The following F13B variants were observed in gnomAD, a reference collection of about 807,000 sequenced individuals.
F13B encodes the protein TGase.
A neutral mutation model predicts 79.8 loss-of-function variants in F13B; 58 were observed. That is an observed-to-expected ratio of 0.73 (90% CI 0.59 to 0.90). The LOEUF is 0.90. F13B is among the 40% of genes least tolerant of loss of function. The pLI is 0.00. For missense variants in F13B, 773 were observed against 777.0 expected, an observed-to-expected ratio of 0.99 and a Z score of 0.06; for synonymous variants, 283 against 260.3, an observed-to-expected ratio of 1.09 and a Z score of -0.84.
chr1:197,044,985 A>C (rs139211946), intron 10 of F13B, among the ~76,000 whole-genome samples: 1 of 152,298 alleles, frequency 6.6e-6, no homozygotes, highest in Admixed American at 6.5e-5. Context: ...TACGTACCAG[A>C]ATCTCTGGGA....
chr1:197,064,754 A>G (rs1655988719), intron 1 of F13B, among the ~76,000 whole-genome samples: 1 of 152,152 alleles, frequency 6.6e-6, no homozygotes, highest in East Asian at 1.9e-4. Flanking sequence ...TATATTTTAA[A>G]AATATATCTT....
chr1:197,065,616 G>T (rs923128686), intron 1 of F13B, among the ~76,000 whole-genome samples: 1 of 152,144 alleles, frequency 6.6e-6, no homozygotes, highest in Admixed American at 6.6e-5. Context: ...TTCTGCAAAA[G>T]TAATCTCTCA....
At chr1:197,050,044 T>TA (rs1655388253) in intron 10 of F13B, among the ~76,000 whole-genome samples, 2 of 152,096 alleles carry the variant, frequency 1.3e-5, no homozygotes, top group South Asian at 4.1e-4. Flanking sequence ...TTTAAAAAAA[T>TA]ATTTATAACA....
rs1399927293 is a variant in F13B, at chr1:197,061,841, C to T, written c.394G>A (p.Val132Met). The T allele has an allele frequency of 6.2e-7, 1 of 1,613,320 alleles. No homozygotes were observed. The highest frequency in any genetic ancestry group is 1.7e-5 in the Admixed American group (1 of 59,900). ...YKTTGGKDEE[V>M]VQCLSDGWSS... ...CATCCATCAGAGAGACATTGAACCA[C>T]TTCTTCATCCTTCCCTCCAGTGGTT... is the stretch of plus-strand genomic sequence containing the variant. The change falls in exon 3 of 12, where the codon GTG (valine) becomes ATG (methionine). Residue 132 changes from valine to methionine, a missense_variant. Coordinates refer to ENST00000367412, the MANE Select transcript of F13B (RefSeq NM_001994.3).
At chr1:197,044,425 T>C (rs1230165087) in intron 10 of F13B, among the ~76,000 whole-genome samples, 6 of 152,012 alleles carry the variant, frequency 3.9e-5, no homozygotes, top group Non-Finnish European at 8.8e-5. Flanking sequence ...CATTACATAA[T>C]GGTAAAGGGA....
rs142811624 is a variant in F13B, at chr1:197,044,305, G to A, written c.1739-3570C>T. 1.5e-4 allele frequency among the ~76,000 whole-genome samples: 23 copies of A among 152,128 alleles called. No individual in the cohort carries two copies. The East Asian group carries it at 1.7e-3, about 12-fold the overall frequency. On this transcript the variant is annotated intron_variant, in intron 10 of 11. Transcript: ENST00000367412. ...GCAGTCTGAGATCAACCTGTGACACGACAGCGTTATGGGGGGAGGGTCGTC... is the reference window on the plus strand; with the variant it reads ...GCAGTCTGAGATCAACCTGTGACACAACAGCGTTATGGGGGGAGGGTCGTC...
chr1:197,065,695 C>T (rs1266143923), intron 1 of F13B, among the ~76,000 whole-genome samples: 2 of 152,070 alleles, frequency 1.3e-5, no homozygotes, highest in Non-Finnish European at 2.9e-5. Flanking sequence ...TGATGACATT[C>T]TTACAGAAAG....
In F13B at chr1:197,062,981, A is replaced by G; in HGVS notation, c.141T>C (p.Phe47=). The change falls in exon 2 of 12, where the codon TTT becomes TTC. Residue 47 remains phenylalanine (F), a synonymous_variant. Transcript: ENST00000367412. ...ACAATTTTTTGTCTATGCTCATTGG[A>G]AAGTAAAAGCTTTTAAAAGTATAGT... is the stretch of plus-strand genomic sequence containing the variant. ...QYYYTFKSFY[F]PMSIDKKLSF... is the part of the protein sequence containing the mutation. 1 of 1,613,770 alleles carries G rather than the reference A, an allele frequency of 6.2e-7. No individual in the cohort carries two copies.
chr1:197,055,952 T>C, intron 7 of F13B, 55 bp from the exon 8 acceptor site: 1 of 1,308,862 alleles, frequency 7.6e-7, no homozygotes, highest in Non-Finnish European at 1.1e-6. Context: ...TATACTATAG[T>C]AACTCATACT....
chr1:197,054,183 C>T (rs1422065540), intron 8 of F13B, among the ~76,000 whole-genome samples: 1 of 152,048 alleles, frequency 6.6e-6, no homozygotes, highest in Admixed American at 6.6e-5. Context: ...TCTCTTGAGG[C>T]AGTTGTTCCA....
At chr1:197,047,642 T>C (rs766074482) in intron 10 of F13B, among the ~76,000 whole-genome samples, 1 of 152,206 alleles carries the variant, frequency 6.6e-6, no homozygotes, top group Non-Finnish European at 1.5e-5. Context: ...CATTACTGGG[T>C]ATATACCCAA....
rs117019969 is a variant in F13B at position 197,057,095 on chromosome 1, T to G, written c.1089A>C (p.Ala363=). The G allele has an allele frequency of 5.7e-4, 916 of 1,613,876 alleles. 8 individuals are homozygous for G. In the East Asian group the frequency reaches 0.018, roughly 32 times the overall value. Residue 363 remains alanine, a synonymous_variant, in exon 7 of 12, where the codon GCA becomes GCC. Coordinates refer to ENST00000367412, the MANE Select transcript of F13B (RefSeq NM_001994.3). The stretch of plus-strand genomic sequence containing the variant: ...CATGGAGAAGGTAGCCGCTTTTACA[T>G]GCATATGTCACTTTATCCCCATTGT... The part of the protein sequence containing the change: ...IYYNGDKVTY[A]CKSGYLLHGS...
At position 197,061,032 on chromosome 1, in the gene F13B, T is replaced by G; in HGVS notation, c.495A>C (p.Thr165=). Residue 165 remains threonine (T), a synonymous_variant, in exon 4 of 12, where the codon ACA becomes ACC. Coordinates refer to ENST00000367412, the MANE Select transcript of F13B (RefSeq NM_001994.3). ...CCTTCACTTTGAATGTTTTCTGTGT[T>G]GTGGAATAATTTCCATTATATAATT... ...APELYNGNYS[T]TQKTFKVKDK... 1 of 1,600,018 alleles carries G rather than the reference T, an allele frequency of 6.2e-7. No homozygotes were observed. Among genetic ancestry groups the G allele is most frequent in the Non-Finnish European group, 8.6e-7 (1 of 1,168,834 alleles).
At chr1:197,044,906 CTA>C (rs546053411) in intron 10 of F13B, among the ~76,000 whole-genome samples, 40 of 151,980 alleles carry the variant, frequency 2.6e-4, no homozygotes, top group African/African-American at 9.7e-4. Flanking sequence ...TCCTGAATGA[CTA>C]CTAGATAAAT....
intron 10 of F13B, among the ~76,000 whole-genome samples, chr1:197,050,288 G>C (rs1655396326): frequency 6.6e-6 from 1 of 152,102 alleles, no homozygotes; most frequent in South Asian, 2.1e-4. Context: ...AGGATGCCTT[G>C]CTAATAAAAC....
At chr1:197,058,146 ATTTTACATTCATTACCTC>A (rs891849668) in intron 5 of F13B, among the ~76,000 whole-genome samples, 1 of 152,200 alleles carries the variant, frequency 6.6e-6, no homozygotes, top group African/African-American at 2.4e-5. Context: ...CACAGCAGGC[ATTTTACATTCATTACCTC>A]TTTTAGTCCT....
chr1:197,040,595 T>C lies in F13B; in HGVS notation c.1879A>G (p.Ile627Val). The stretch of plus-strand genomic sequence containing the variant: ...TGCATTCTAAGTATAGATCCAGTAA[T>C]ATATAATTCAGCTGGATAAGTATCT... ...RGDTYPAELY[I>V]TGSILRMQCD... Residue 627 changes from isoleucine (I) to valine (V), a missense_variant, in exon 11 of 12, where the codon ATT (isoleucine) becomes GTT (valine). Ile to Val is a conservative substitution (Grantham distance 29). Transcript: ENST00000367412. 5 of 1,612,310 alleles carry C rather than the reference T, an allele frequency of 3.1e-6. No individual in the cohort carries two copies. Among genetic ancestry groups the C allele is most frequent in the Non-Finnish European group, 3.4e-6 (4 of 1,178,618 alleles).
At chr1:197,056,923 T>G in intron 7 of F13B, 90 bp downstream of exon 7, 1 of 1,397,570 alleles carries the variant, frequency 7.2e-7, no homozygotes, top group Admixed American at 1.8e-5. Context: ...TAAGCAGTGG[T>G]CTTTTCCTAG....
chr1:197,057,219 G>A (rs1305619729), intron 6 of F13B, 21 bp from the exon 7 acceptor site: 2 of 1,613,886 alleles, frequency 1.2e-6, no homozygotes. Flanking sequence ...ACAGTTGAAA[G>A]AGAACTGACC....
Sources: gnomAD v4.1 joint callset for allele counts (sites outside exome capture counted in the v4.1 genomes callset) on GRCh38, gnomAD v4.1.1 for gene constraint, MANE v1.5 for transcripts, NCBI Gene and HGNC (gene_info 2026-07-23, HGNC 2026-07-21) for gene names.